Variants in CD40LG observed in about 807,000 individuals in gnomAD.
CD40LG encodes CD40 antigen ligand.
A neutral mutation model predicts 17.2 loss-of-function variants in CD40LG; 1 was observed. That is an observed-to-expected ratio of 0.06 (90% confidence interval 0.02 to 0.28). The LOEUF (loss-of-function observed/expected upper bound fraction) is 0.28, where lower values mean the gene tolerates loss of function less well. Among genes scored for constraint, CD40LG ranks in the 10% least tolerant of loss-of-function variants. CD40LG has a pLI of 1.00. For missense variants in CD40LG, 133 were observed against 193.2 expected (o/e 0.69, Z 1.85); for synonymous variants, 66 against 74.4 (o/e 0.89, Z 0.58).
At position 136,656,388 on chromosome X, in the gene CD40LG, A is replaced by G. The variant is rs1052924444; in HGVS notation, c.379A>G (p.Ile127Val). The G allele has an allele frequency of 9.9e-6, 12 of 1,208,100 alleles. No homozygotes were observed. The Middle Eastern group carries it at 9.2e-4, about 92-fold the overall frequency. ...DQNPQIAAHV[I>V]SEASSKTTSV... is the part of the protein sequence containing the mutation. Reference sequence around the variant, plus strand: ...GAATCCTCAAATTGCGGCACATGTCATAAGTGAGGCCAGCAGTAAAACAAC... The same window carrying G: ...GAATCCTCAAATTGCGGCACATGTCGTAAGTGAGGCCAGCAGTAAAACAAC... The change falls in exon 4 of 5, where the codon ATA becomes GTA. Residue 127 changes from isoleucine to valine, a missense_variant. Physicochemically the swap from Ile to Val is conservative, Grantham distance 29. Coordinates refer to ENST00000370629, the MANE Select transcript of CD40LG (RefSeq NM_000074.3).
rs762639528 is a variant in CD40LG at position 136,659,062 on chromosome X, T to C, written c.433T>C (p.Tyr145His). Residue 145 changes from tyrosine (Y) to histidine (H), a missense_variant, in exon 5 of 5, where the codon TAC (tyrosine) becomes CAC (histidine). Transcript: ENST00000370629. ...AGTGTTACAGTGGGCTGAAAAAGGATACTACACCATGAGCAACAACTTGGT... is the reference window on the plus strand; with the variant it reads ...AGTGTTACAGTGGGCTGAAAAAGGACACTACACCATGAGCAACAACTTGGT... The part of the protein sequence containing the change: ...TSVLQWAEKG[Y>H]YTMSNNLVTL... The C allele has an allele frequency of 2.5e-6, 3 of 1,210,222 alleles. No homozygotes were observed. Among genetic ancestry groups the C allele is most frequent in the South Asian group, 1.8e-5 (1 of 56,975 alleles).
At position 136,659,196 on chromosome X, in the gene CD40LG, T is replaced by C. The variant is rs1449662238; in HGVS notation, c.567T>C (p.Phe189=). The C allele has an allele frequency of 8.3e-7, 1 of 1,211,665 alleles. No individual in the cohort carries two copies. Among genetic ancestry groups the C allele is most frequent in the Non-Finnish European group, 1.1e-6 (1 of 895,165 alleles). Residue 189 remains phenylalanine (F), a synonymous_variant, in exon 5 of 5, where the codon TTT becomes TTC. Transcript: ENST00000370629. ...SNREASSQAP[F]IASLCLKSPG... is the part of the protein sequence containing the mutation. Reference sequence around the variant, plus strand: ...GGGAAGCTTCGAGTCAAGCTCCATTTATAGCCAGCCTCTGCCTAAAGTCCC... The same window carrying C: ...GGGAAGCTTCGAGTCAAGCTCCATTCATAGCCAGCCTCTGCCTAAAGTCCC...
Position 136,658,888 on chromosome X carries a change from A to G in CD40LG, c.410-151A>G, listed in dbSNP as rs1222683690. ...GCTTAAATAGAGCCTAGATTGGAAC[A>G]TGGCTCTGTCTGACTCTGAAGCCCA... is the stretch of plus-strand genomic sequence containing the variant. On this transcript the variant is annotated intron_variant, in intron 4 of 4. Transcript: ENST00000370629. The G allele has an allele frequency of 6.5e-5, 39 of 596,800 alleles. No homozygotes were observed. The Admixed American group carries it at 9.9e-4, about 15-fold the overall frequency. The allele number at this position is 596,800 out of a possible 1,213,427, so 49.2% of individuals were successfully genotyped here. A position where few individuals can be genotyped will look rare whatever the true frequency, so the allele number is the denominator to read the frequency against.
At chrX:136,653,719 C>T (rs941026245) in intron 2 of CD40LG, among the ~76,000 whole-genome samples, 2 of 112,298 alleles carry the variant, frequency 1.8e-5, no homozygotes, top group African/African-American at 6.5e-5. Flanking sequence ...GAAAAGAAAC[C>T]TTTTAAGAAG....
intron 2 of CD40LG, 145 bp downstream of exon 2, chrX:136,650,542 T>C: frequency 1.9e-6 from 1 of 520,637 alleles, no homozygotes; most frequent in Middle Eastern, 5.2e-4. Flanking sequence ...CATGCAGATA[T>C]ACACACATAC....
chrX:136,657,768 C>T (rs1340107507), intron 4 of CD40LG, among the ~76,000 whole-genome samples: 9 of 111,193 alleles, frequency 8.1e-5, no homozygotes, highest in Admixed American at 5.7e-4. Flanking sequence ...TCAGATTCTC[C>T]CAAAAGGCTT....
chrX:136,653,855 A>G (rs2076111153), intron 2 of CD40LG, among the ~76,000 whole-genome samples: 1 of 112,522 alleles, frequency 8.9e-6, no homozygotes, highest in African/African-American at 3.2e-5. Flanking sequence ...TGAAAGGGAT[A>G]GCAAAATTAA....
At chrX:136,650,195 T>TAGA in intron 1 of CD40LG, 71 bp from the exon 2 acceptor site, 1 of 766,116 alleles carries the variant, frequency 1.3e-6, no homozygotes, top group African/African-American at 2.0e-5. Context: ...GAAATGAATG[T>TAGA]AGAGGCAGAT....
At chrX:136,655,188 T>C (rs3092932) in intron 3 of CD40LG, among the ~76,000 whole-genome samples, 1,898 of 111,627 alleles carry the variant, frequency 0.017, 44 homozygotes, top group African/African-American at 0.058. Flanking sequence ...AAAGTATAAT[T>C]GCTCTCCTAC....
intron 4 of CD40LG, among the ~76,000 whole-genome samples, chrX:136,656,728 T>C (rs1244645058): frequency 8.9e-6 from 1 of 111,760 alleles, no homozygotes; most frequent in Admixed American, 9.4e-5. Flanking sequence ...TGGCATGTAG[T>C]GACCTCCTGA....
intron 2 of CD40LG, among the ~76,000 whole-genome samples, chrX:136,651,217 T>A (rs1187696568): frequency 1.8e-5 from 2 of 111,458 alleles, no homozygotes; most frequent in African/African-American, 6.5e-5. Flanking sequence ...TTTCTGCCTA[T>A]GTCCCTTTCA....
chrX:136,653,422 T>C (rs1251706270), intron 2 of CD40LG, among the ~76,000 whole-genome samples: 1 of 112,580 alleles, frequency 8.9e-6, no homozygotes, highest in Non-Finnish European at 1.9e-5. Context: ...GCACAGGACT[T>C]TGATTATCAT....
chrX:136,655,891 T>C (rs1203940697), intron 3 of CD40LG, among the ~76,000 whole-genome samples: 2 of 112,257 alleles, frequency 1.8e-5, no homozygotes, highest in Admixed American at 1.9e-4. Flanking sequence ...CTTAGAAGAT[T>C]GACACATCTC....
intron 1 of CD40LG, among the ~76,000 whole-genome samples, chrX:136,649,095 T>C (rs897466659): frequency 8.9e-6 from 1 of 112,496 alleles, no homozygotes; most frequent in Non-Finnish European, 1.9e-5. Flanking sequence ...TTTGCATTCT[T>C]AGGAAAAGAA....
chrX:136,656,848 C>T (rs137886519), intron 4 of CD40LG, among the ~76,000 whole-genome samples: 18 of 111,801 alleles, frequency 1.6e-4, no homozygotes, highest in African/African-American at 5.2e-4. Flanking sequence ...CTCACTGAGG[C>T]CAACCTCAGG....
rs1408068211 is a variant in CD40LG at position 136,658,500 on chromosome X, G to C, written c.410-539G>C. Among the ~76,000 whole-genome samples, 4 of 111,785 alleles carry C rather than the reference G, an allele frequency of 3.6e-5. No homozygotes were observed. The Admixed American group carries it at 3.8e-4, about 11-fold the overall frequency. On this transcript the variant is annotated intron_variant, in intron 4 of 4. Transcript: ENST00000370629. ...AGTCCTTGCTGGGGGAGGCAGATCA[G>C]GTTTGCAACAGCATGATCAGGTAGG... is the stretch of plus-strand genomic sequence containing the variant.
intron 2 of CD40LG, among the ~76,000 whole-genome samples, chrX:136,653,436 A>T (rs2076109879): frequency 8.9e-6 from 1 of 112,715 alleles, no homozygotes; most frequent in Admixed American, 9.4e-5. Flanking sequence ...TTATCATAAG[A>T]TGTGAAAATA....
At chrX:136,657,823 T>C (rs780217703) in intron 4 of CD40LG, among the ~76,000 whole-genome samples, 22 of 111,086 alleles carry the variant, frequency 2.0e-4, no homozygotes, top group Middle Eastern at 4.6e-3. Context: ...TGCATCACAA[T>C]AGGTTTCCAG....
intron 4 of CD40LG, among the ~76,000 whole-genome samples, chrX:136,657,892 C>T (rs1433528118): frequency 9.0e-6 from 1 of 111,592 alleles, no homozygotes; most frequent in Non-Finnish European, 1.9e-5. Context: ...ACCTCTTCTT[C>T]CTACCTAGCC....
Sources: allele counts gnomAD v4.1 joint callset (sites outside exome capture counted in the v4.1 genomes callset), GRCh38; gene constraint gnomAD v4.1.1; transcripts MANE v1.5; gene names NCBI Gene and HGNC (gene_info 2026-07-23, HGNC 2026-07-21).